Variants in MYO10 observed in about 807,000 individuals in gnomAD.
MYO10 encodes unconventional myosin-X.
A neutral mutation model predicts 257.3 loss-of-function variants in MYO10; 133 were observed. The observed-to-expected ratio is 0.52, with a 90% CI of 0.45 to 0.60. The LOEUF (loss-of-function observed/expected upper bound fraction) is 0.60. Ranked by LOEUF, MYO10 falls within the 20% of genes least tolerant of loss-of-function variation. The pLI is 0.00. For missense variants in MYO10, 2,399 were observed against 2,635.7 expected (o/e 0.91, Z 1.97); for synonymous variants, 1,104 against 1,028.6 (o/e 1.07, Z -1.40).
chr5:16,738,170 CT>C, intron 19 of MYO10: 1 of 985,398 alleles, frequency 1.0e-6, no homozygotes, highest in African/African-American at 1.7e-5. Flanking sequence ...GCCAGTGTTT[CT>C]TTTGGAGCCC....
In MYO10 at chr5:16,670,768, G is replaced by A. The variant is rs759162257; in HGVS notation, c.5641C>T (p.Arg1881Trp). 3.0e-5 allele frequency: 49 copies of A among 1,613,872 alleles called. No individual in the cohort carries two copies. The highest frequency in any genetic ancestry group is 1.6e-4 in the Middle Eastern group (1 of 6,084). The change falls in exon 39 of 41, where the codon CGG becomes TGG. Residue 1881 changes from arginine (R) to tryptophan (W), a missense_variant. This residue lies in a region of MYO10 where 1,820 missense variants were observed against 1,939.4 expected (regional missense o/e 0.94). Transcript: ENST00000513610. ...AGGGTCCCCTCTAGGAAGCTCGTCC[G>A]CCTCTTCTCCAGCCGTTCACAAGGG... ...FTPCERLEKR[R>W]TSFLEGTLRR...
intron 10 of MYO10, 57 bp downstream of exon 10, chr5:16,769,016 GT>G: frequency 6.5e-7 from 1 of 1,535,520 alleles, no homozygotes; most frequent in Non-Finnish European, 8.7e-7. Flanking sequence ...AATAATTTAG[GT>G]TTAAGTTTCC....
At chr5:16,685,368 G>A (rs1332006140) in intron 29 of MYO10, among the ~76,000 whole-genome samples, 1 of 151,836 alleles carries the variant, frequency 6.6e-6, no homozygotes, top group Non-Finnish European at 1.5e-5. Flanking sequence ...ATAATACCAT[G>A]CCTGGATAAT....
At chr5:16,865,811 GATA>G (rs5866211) in intron 2 of MYO10, among the ~76,000 whole-genome samples, 14 of 142,604 alleles carry the variant, frequency 9.8e-5, no homozygotes, top group East Asian at 2.1e-4. Context: ...ACTCCGTCTC[GATA>G]ATAATAATAA....
intron 4 of MYO10, among the ~76,000 whole-genome samples, chr5:16,787,902 G>A (rs1741637030): frequency 6.6e-6 from 1 of 152,108 alleles, no homozygotes; most frequent in Non-Finnish European, 1.5e-5. Context: ...AGGTTCAAGC[G>A]ATTCTCCTGC....
Position 16,841,397 on chromosome 5 carries a change from G to GT in MYO10, c.121-23231dup, listed in dbSNP as rs1477939428. Reference sequence around the variant, plus strand: ...TATTACTAACAACACAAACAACTGTGTTAAGCAGGCTGAAACTCCAATAGT... The same window carrying GT: ...TATTACTAACAACACAAACAACTGTGTTTAAGCAGGCTGAAACTCCAATAGT... On this transcript the variant is annotated intron_variant, in intron 2 of 40. Transcript: ENST00000513610. Among the ~76,000 whole-genome samples the GT allele has an allele frequency of 3.9e-5, 6 of 152,158 alleles. No homozygotes were observed. In the East Asian group the frequency reaches 7.7e-4, roughly 20 times the overall value.
intron 25 of MYO10, 59 bp from the exon 26 acceptor site, chr5:16,699,632 A>T (rs1439707280): frequency 6.2e-7 from 1 of 1,603,966 alleles, no homozygotes; most frequent in Non-Finnish European, 8.5e-7. Context: ...AGCCACGAAG[A>T]TACCCAGCAT....
chr5:16,730,453 T>C (rs1033135822), intron 19 of MYO10, among the ~76,000 whole-genome samples: 3 of 152,136 alleles, frequency 2.0e-5, no homozygotes, highest in African/African-American at 7.2e-5. Flanking sequence ...GGAAGGGGCT[T>C]AGTCCTCAGT....
chr5:16,929,596 G>T (rs1385308542), intron 1 of MYO10, among the ~76,000 whole-genome samples: 1 of 152,114 alleles, frequency 6.6e-6, no homozygotes, highest in Admixed American at 6.6e-5. Context: ...TATGGATTGG[G>T]TATAATTATA....
At chr5:16,899,627 T>G (rs1278763229) in intron 1 of MYO10, among the ~76,000 whole-genome samples, 2 of 76,322 alleles carry the variant, frequency 2.6e-5, no homozygotes, top group East Asian at 7.6e-4. Flanking sequence ...AAACTCAGTT[T>G]CAAAAAAAAA....
At chr5:16,904,297 G>A (rs890256515) in intron 1 of MYO10, among the ~76,000 whole-genome samples, 6 of 152,098 alleles carry the variant, frequency 3.9e-5, no homozygotes, top group Admixed American at 2.0e-4. Flanking sequence ...GGTAACCTTT[G>A]TGATATCCTT....
intron 26 of MYO10, 40 bp downstream of exon 26, chr5:16,699,410 T>C: frequency 2.5e-6 from 4 of 1,599,626 alleles, no homozygotes; most frequent in Non-Finnish European, 3.4e-6. Flanking sequence ...AACGCCTCGC[T>C]CTCCCCCTAA....
In MYO10 at chr5:16,671,282, A is replaced by G. The variant is rs79684514; in HGVS notation, c.5430+140T>C. The G allele has an allele frequency of 0.01, 11,243 of 1,088,968 alleles. 770 individuals are homozygous for G. In the African/African-American group the frequency reaches 0.16, roughly 15 times the overall value. 67.5% of individuals were successfully genotyped at this position (1,088,968 alleles called of 1,614,324 possible). A position where few individuals can be genotyped will look rare whatever the true frequency, so the allele number is the denominator to read the frequency against. On this transcript the variant is annotated intron_variant, in intron 38 of 40. Transcript: ENST00000513610. ...AGGTTTCATTCTACAAACGAATGAA[A>G]GAGCAGCTGGTCTTGTCTTTGCTGG... is the stretch of plus-strand genomic sequence containing the variant.
rs374082256 is a variant in MYO10, at chr5:16,672,607, G to A, written c.5309+82C>T. ...TCCAATACAGCGTGAAGCCACAAATGGAATGGGAAGCTCAAACCCTGAACC... is the reference window on the plus strand; with the variant it reads ...TCCAATACAGCGTGAAGCCACAAATAGAATGGGAAGCTCAAACCCTGAACC... On this transcript the variant is annotated intron_variant, in intron 37 of 40. Transcript: ENST00000513610. 4 of 1,529,324 alleles carry A rather than the reference G, an allele frequency of 2.6e-6. No homozygotes were observed. In the African/African-American group the frequency reaches 4.1e-5, roughly 16 times the overall value. The allele number at this position is 1,529,324 out of a possible 1,614,324, so 94.7% of individuals were successfully genotyped here. A position where few individuals can be genotyped will look rare whatever the true frequency, so the allele number is the denominator to read the frequency against.
intron 3 of MYO10, among the ~76,000 whole-genome samples, chr5:16,806,038 A>C (rs1580010246): frequency 6.6e-6 from 1 of 152,142 alleles, no homozygotes; most frequent in East Asian, 1.9e-4. Context: ...TACAGCCAAT[A>C]ATTTTTTTTT....
intron 27 of MYO10, among the ~76,000 whole-genome samples, chr5:16,693,241 C>T (rs1737584912): frequency 1.3e-5 from 2 of 152,188 alleles, no homozygotes; most frequent in Admixed American, 1.3e-4. Context: ...GCACTCCAGC[C>T]TGGGCAATGG....
chr5:16,744,433 GTA>G (rs1560961213), intron 19 of MYO10, among the ~76,000 whole-genome samples: 1 of 152,156 alleles, frequency 6.6e-6, no homozygotes, highest in African/African-American at 2.4e-5. Flanking sequence ...TTGATCTATT[GTA>G]TCGGTGGCTT....
At chr5:16,748,954 G>C (rs1740299341) in intron 19 of MYO10, among the ~76,000 whole-genome samples, 1 of 152,004 alleles carries the variant, frequency 6.6e-6, no homozygotes, top group South Asian at 2.1e-4. Flanking sequence ...TGTGTGAGAT[G>C]GTTTACACAT....
intron 33 of MYO10, 93 bp from the exon 34 acceptor site, chr5:16,676,247 G>A (rs565545842): frequency 2.7e-6 from 4 of 1,456,448 alleles, no homozygotes; most frequent in Non-Finnish European, 3.7e-6. Flanking sequence ...TAAACCTAGT[G>A]GGGCAAAGAT....
Sources: allele counts gnomAD v4.1 joint callset (sites outside exome capture counted in the v4.1 genomes callset), GRCh38; gene constraint gnomAD v4.1.1; regional missense constraint gnomAD v4.1.1; transcripts MANE v1.5; gene names NCBI Gene and HGNC (gene_info 2026-07-23, HGNC 2026-07-21).